CMTM8: variants seen among roughly 807,000 people sequenced by gnomAD.
CMTM8 encodes CKLF like MARVEL transmembrane domain containing 8, also known as CKLF-like MARVEL transmembrane domain-containing protein 8.
A neutral mutation model predicts 18.6 loss-of-function variants in CMTM8; 12 were observed. The ratio of observed to expected loss-of-function variants is 0.65; its 90% CI spans 0.41 to 1.05. CMTM8 has a LOEUF of 1.05. Ranked by LOEUF, CMTM8 falls within the 50% of genes least tolerant of loss-of-function variation. The pLI is 0.00. For synonymous variants in CMTM8, 87 were observed against 90.6 expected, an observed-to-expected ratio of 0.96 and a Z score of 0.23; for missense variants, 217 against 227.2, an observed-to-expected ratio of 0.95 and a Z score of 0.29.
chr3:32,271,658 G>T (rs1702440904), intron 1 of CMTM8, among the ~76,000 whole-genome samples: 1 of 152,008 alleles, frequency 6.6e-6, no homozygotes, highest in African/African-American at 2.4e-5. Flanking sequence ...ATGGCCTCCT[G>T]TATTGCCATC....
chr3:32,343,692 G>GTTTGTT (rs1327202106), intron 1 of CMTM8, among the ~76,000 whole-genome samples: 1 of 151,556 alleles, frequency 6.6e-6, no homozygotes, highest in Non-Finnish European at 1.5e-5. Flanking sequence ...ACCTCAGGTG[G>GTTTGTT]TTTGTTTTTG....
At chr3:32,286,732 A>G (rs1184659941) in intron 1 of CMTM8, among the ~76,000 whole-genome samples, 1 of 152,238 alleles carries the variant, frequency 6.6e-6, no homozygotes, top group African/African-American at 2.4e-5. Context: ...GGCCACATAT[A>G]AAATACACTA....
intron 1 of CMTM8, among the ~76,000 whole-genome samples, chr3:32,255,428 C>G (rs1325861033): frequency 6.6e-6 from 1 of 152,126 alleles, no homozygotes; most frequent in African/African-American, 2.4e-5. Flanking sequence ...CATTGCTTGG[C>G]AGTCATCTTA....
intron 1 of CMTM8, among the ~76,000 whole-genome samples, chr3:32,302,453 G>T (rs183055791): frequency 5.2e-4 from 79 of 152,292 alleles, no homozygotes; most frequent in Non-Finnish European, 6.3e-4. Flanking sequence ...TCACTTTCCA[G>T]TTCAAAGTTA....
intron 1 of CMTM8, among the ~76,000 whole-genome samples, chr3:32,338,276 C>G (rs1463002590): frequency 6.6e-6 from 1 of 152,090 alleles, no homozygotes; most frequent in Non-Finnish European, 1.5e-5. Flanking sequence ...GCCACCGTGC[C>G]CGGCCTGGCC....
At position 32,346,635 on chromosome 3, in the gene CMTM8, G is replaced by A. The variant is rs899858244; in HGVS notation, c.148-10738G>A. Among the ~76,000 whole-genome samples the A allele has an allele frequency of 4.6e-5, 7 of 151,982 alleles. No homozygotes were observed. The East Asian group carries it at 1.4e-3, about 29-fold the overall frequency. On this transcript the variant is annotated intron_variant, in intron 1 of 3. Coordinates refer to ENST00000307526, the MANE Select transcript of CMTM8 (RefSeq NM_178868.5). The stretch of plus-strand genomic sequence containing the variant: ...CTCTCTTGGTGTCCCTTTTTATAAG[G>A]GTACTAATCTCATCATGAGAGGTTT...
rs1866258 is a variant in CMTM8 at position 32,310,505 on chromosome 3, G to A, written c.148-46868G>A. On this transcript the variant is annotated intron_variant, in intron 1 of 3. Transcript: ENST00000307526. The stretch of plus-strand genomic sequence containing the variant: ...GAAATGAGTTCAAGTAAACTAGGCC[G>A]GACTTAAAAATAGCTGTTTACTACT... Among the ~76,000 whole-genome samples, 1,115 of 152,256 alleles carry A rather than the reference G, an allele frequency of 7.3e-3. 11 individuals are homozygous for A. The highest frequency in any genetic ancestry group is 0.024 in the African/African-American group (997 of 41,536).
Position 32,307,583 on chromosome 3 carries a change from T to C in CMTM8, c.148-49790T>C, listed in dbSNP as rs550645976. Reference sequence around the variant, plus strand: ...AGGCAGAGATGGCCAGAGAGCATACTTGCATGTGTAGGTATGTAGCTTGAA... The same window carrying C: ...AGGCAGAGATGGCCAGAGAGCATACCTGCATGTGTAGGTATGTAGCTTGAA... On this transcript the variant is annotated intron_variant, in intron 1 of 3. Coordinates refer to ENST00000307526, the MANE Select transcript of CMTM8 (RefSeq NM_178868.5). Among the ~76,000 whole-genome samples, 3 of 152,242 alleles carry C rather than the reference T, an allele frequency of 2.0e-5. No individual in the cohort carries two copies. In the South Asian group the frequency reaches 6.2e-4, roughly 32 times the overall value.
rs752120687 is a variant in CMTM8, at chr3:32,357,395, C to T, written c.170C>T (p.Thr57Met). The T allele has an allele frequency of 1.9e-5, 31 of 1,613,802 alleles. No homozygotes were observed. Among genetic ancestry groups the T allele is most frequent in the South Asian group, 4.4e-5 (4 of 91,058 alleles). The change falls in exon 2 of 4, where the codon ACG becomes ATG. Residue 57 changes from threonine to methionine, a missense_variant. Coordinates refer to ENST00000307526, the MANE Select transcript of CMTM8 (RefSeq NM_178868.5). Reference sequence around the variant, plus strand: ...CAGGTTCTGGGGCTGCTGGTATGGACGCTTATTGCTGGAACTGAGTACTTC... The same window carrying T: ...CAGGTTCTGGGGCTGCTGGTATGGATGCTTATTGCTGGAACTGAGTACTTC... ...AEIVLGLLVW[T>M]LIAGTEYFRV...
intron 1 of CMTM8, among the ~76,000 whole-genome samples, chr3:32,278,138 T>C (rs950500616): frequency 5.9e-5 from 9 of 152,198 alleles, no homozygotes; most frequent in African/African-American, 2.2e-4. Flanking sequence ...CAGCCTTCAG[T>C]AGGATGGAGA....
intron 1 of CMTM8, among the ~76,000 whole-genome samples, chr3:32,308,431 G>A (rs945423234): frequency 5.9e-5 from 9 of 152,362 alleles, no homozygotes; most frequent in African/African-American, 1.9e-4. Flanking sequence ...GAGCTCTTGA[G>A]CACACAGCTA....
chr3:32,253,344 CT>C (rs151296321), intron 1 of CMTM8, among the ~76,000 whole-genome samples: 113 of 132,104 alleles, frequency 8.6e-4, no homozygotes, highest in Non-Finnish European at 9.2e-4. Context: ...GTCCCTTTAT[CT>C]TTTTTTTTTT....
chr3:32,286,169 C>T (rs2125553129), intron 1 of CMTM8, among the ~76,000 whole-genome samples: 1 of 152,308 alleles, frequency 6.6e-6, no homozygotes, highest in Non-Finnish European at 1.5e-5. Context: ...CCACCTCTGC[C>T]ACTGTAGCAC....
chr3:32,334,821 A>G (rs899583882), intron 1 of CMTM8, among the ~76,000 whole-genome samples: 1 of 152,198 alleles, frequency 6.6e-6, no homozygotes, highest in Non-Finnish European at 1.5e-5. Context: ...TGAAAGCTGC[A>G]GGAAGATGTG....
chr3:32,311,486 A>G (rs1695818288), intron 1 of CMTM8, among the ~76,000 whole-genome samples: 1 of 152,170 alleles, frequency 6.6e-6, no homozygotes, highest in Non-Finnish European at 1.5e-5. Context: ...TCCTGGGCTC[A>G]TGGCTCCGTT....
chr3:32,291,300 T>TTTG (rs1369401607), intron 1 of CMTM8, among the ~76,000 whole-genome samples: 1 of 151,938 alleles, frequency 6.6e-6, no homozygotes, highest in Non-Finnish European at 1.5e-5. Context: ...GGCTAATTTT[T>TTTG]TTGTTGTTGT....
At chr3:32,308,157 C>T (rs1214901099) in intron 1 of CMTM8, among the ~76,000 whole-genome samples, 2 of 152,198 alleles carry the variant, frequency 1.3e-5, no homozygotes, top group Non-Finnish European at 2.9e-5. Flanking sequence ...ACACCTCCTT[C>T]GCACTCTACC....
In CMTM8 at chr3:32,239,035, G is replaced by T. The variant is rs770730684; in HGVS notation, c.63G>T (p.Glu21Asp). ...CCACCACCGCCAGCTCCTTCGCAGA[G>T]AACTTCTCCACCAGCAGCAGCAGCT... is the stretch of plus-strand genomic sequence containing the variant. The part of the protein sequence containing the change: ...TVTTTASSFA[E>D]NFSTSSSSFA... Residue 21 changes from glutamate (E) to aspartate (D), a missense_variant, in exon 1 of 4, where the codon GAG becomes GAT. Transcript: ENST00000307526. 6.3e-7 allele frequency: 1 copy of T among 1,583,216 alleles called. No homozygotes were observed. Among genetic ancestry groups the T allele is most frequent in the Admixed American group, 1.8e-5 (1 of 56,148 alleles).
chr3:32,360,120 G>T (rs1466204538), intron 2 of CMTM8, among the ~76,000 whole-genome samples: 1 of 152,182 alleles, frequency 6.6e-6, no homozygotes, highest in Admixed American at 6.5e-5. Flanking sequence ...CATATGTGAG[G>T]CACCAGTCAG....
Sources: allele counts gnomAD v4.1 joint callset (sites outside exome capture counted in the v4.1 genomes callset), GRCh38; gene constraint gnomAD v4.1.1; transcripts MANE v1.5; gene names NCBI Gene and HGNC (gene_info 2026-07-23, HGNC 2026-07-21).